EBF1: variants seen among roughly 807,000 people sequenced by gnomAD.
EBF1 encodes the protein EBF transcription factor 1.
A neutral mutation model predicts 68.4 loss-of-function variants in EBF1; 10 were observed. The observed-to-expected ratio is 0.15, with a 90% CI of 0.09 to 0.25. The LOEUF is 0.25. Among genes scored for constraint, EBF1 ranks in the 10% least tolerant of loss-of-function variants. The pLI, the probability that EBF1 is intolerant of heterozygous loss-of-function variation, is 1.00. For synonymous variants in EBF1, 298 were observed against 299.8 expected (o/e 0.99, Z 0.06); for missense variants, 509 against 794.4 (o/e 0.64, Z 4.32).
At chr5:158,803,609 G>A (rs951066371) in intron 8 of EBF1, among the ~76,000 whole-genome samples, 30 of 152,034 alleles carry the variant, frequency 2.0e-4, no homozygotes, top group African/African-American at 5.8e-4. Flanking sequence ...CCTGAACCAT[G>A]GTACCAGAGT....
At chr5:158,971,655 T>C (rs1755679151) in intron 6 of EBF1, among the ~76,000 whole-genome samples, 1 of 152,068 alleles carries the variant, frequency 6.6e-6, no homozygotes, top group South Asian at 2.1e-4. Flanking sequence ...GTCAAGGAGA[T>C]GACCAAAAGA....
intron 5 of EBF1, among the ~76,000 whole-genome samples, chr5:159,074,512 A>G (rs1371472386): frequency 6.6e-6 from 1 of 152,220 alleles, no homozygotes; most frequent in African/African-American, 2.4e-5. Flanking sequence ...ACAGAGAGAG[A>G]TACACACATA....
At chr5:158,846,108 C>G (rs1015891823) in intron 6 of EBF1, among the ~76,000 whole-genome samples, 4 of 152,178 alleles carry the variant, frequency 2.6e-5, no homozygotes, top group Non-Finnish European at 4.4e-5. Flanking sequence ...CTTATGCCTG[C>G]AGATGGTTAT....
intron 6 of EBF1, among the ~76,000 whole-genome samples, chr5:158,932,962 C>T (rs745722179): frequency 2.6e-5 from 4 of 152,192 alleles, no homozygotes; most frequent in Admixed American, 2.6e-4. Context: ...GATTTATTTA[C>T]TCACTTTACA....
chr5:158,788,018 T>TTGAC (rs945099355), intron 9 of EBF1, among the ~76,000 whole-genome samples: 4 of 144,006 alleles, frequency 2.8e-5, no homozygotes, highest in Admixed American at 2.3e-4. Context: ...GAGCATTTGT[T>TTGAC]TGACTGAATG....
chr5:158,879,322 C>T (rs1310866532), intron 6 of EBF1, among the ~76,000 whole-genome samples: 3 of 152,104 alleles, frequency 2.0e-5, no homozygotes, highest in South Asian at 2.1e-4. Flanking sequence ...CAAGCACATA[C>T]GCTCAAGGAA....
intron 15 of EBF1, among the ~76,000 whole-genome samples, chr5:158,701,673 C>T (rs1287500298): frequency 2.0e-5 from 3 of 152,242 alleles, no homozygotes; most frequent in Non-Finnish European, 4.4e-5. Context: ...AATGCCTGCT[C>T]ACAGCCACTG....
At chr5:158,962,454 A>G (rs1753206548) in intron 6 of EBF1, among the ~76,000 whole-genome samples, 1 of 152,146 alleles carries the variant, frequency 6.6e-6, no homozygotes, top group African/African-American at 2.4e-5. Flanking sequence ...GCTCAATATG[A>G]TCACAGTTGC....
At chr5:159,051,986 C>T (rs1268053381) in intron 6 of EBF1, among the ~76,000 whole-genome samples, 1 of 142,588 alleles carries the variant, frequency 7.0e-6, no homozygotes, top group Non-Finnish European at 1.5e-5. Flanking sequence ...TGCACACATA[C>T]GCACAGGCTC....
intron 6 of EBF1, among the ~76,000 whole-genome samples, chr5:158,866,554 A>C (rs1795892815): frequency 6.6e-6 from 1 of 151,966 alleles, no homozygotes; most frequent in South Asian, 2.1e-4. Flanking sequence ...AGTGTCCCGC[A>C]ATTCATTACC....
chr5:159,069,294 T>C (rs1051987360), intron 6 of EBF1, among the ~76,000 whole-genome samples: 5 of 151,778 alleles, frequency 3.3e-5, no homozygotes, highest in African/African-American at 1.2e-4. Flanking sequence ...TACTTAATGG[T>C]TCATTTCATC....
intron 6 of EBF1, among the ~76,000 whole-genome samples, chr5:159,016,737 T>C (rs1765692201): frequency 6.6e-6 from 1 of 152,150 alleles, no homozygotes; most frequent in African/African-American, 2.4e-5. Context: ...AAACCTGAGC[T>C]CAAAGCGTGA....
chr5:159,088,032 A>G (rs1431905583), intron 4 of EBF1, among the ~76,000 whole-genome samples: 2 of 152,184 alleles, frequency 1.3e-5, no homozygotes, highest in African/African-American at 4.8e-5. Context: ...TCCACCATGG[A>G]GTAGGACTAA....
chr5:159,059,781 C>T lies in EBF1; in HGVS notation c.554+13615G>A, dbSNP rs552816991. Among the ~76,000 whole-genome samples, 6 of 152,256 alleles carry T rather than the reference C, an allele frequency of 3.9e-5. No individual in the cohort carries two copies. The South Asian group carries it at 1.2e-3, about 32-fold the overall frequency. On this transcript the variant is annotated intron_variant, in intron 6 of 15. Coordinates refer to ENST00000313708, the MANE Select transcript of EBF1 (RefSeq NM_024007.5). Reference sequence around the variant, plus strand: ...AAGGGGGGACCAGGCTGATATGAAACTAAATTAGCATCAAATGCAAATTAC... The same window carrying T: ...AAGGGGGGACCAGGCTGATATGAAATTAAATTAGCATCAAATGCAAATTAC...
intron 6 of EBF1, among the ~76,000 whole-genome samples, chr5:158,952,298 G>C (rs140193320): frequency 6.6e-6 from 1 of 152,108 alleles, no homozygotes; most frequent in South Asian, 2.1e-4. Context: ...AAAGTCAAGG[G>C]ATTTACCACC....
intron 6 of EBF1, among the ~76,000 whole-genome samples, chr5:158,868,338 A>AC (rs1796296788): frequency 4.6e-5 from 7 of 152,288 alleles, no homozygotes; most frequent in Admixed American, 4.6e-4. Flanking sequence ...CCTAAAAAAA[A>AC]ATCACTCAAA....
rs534392487 is a variant in EBF1, at chr5:158,804,812, C to A, written c.779-8337G>T. 2.6e-5 allele frequency among the ~76,000 whole-genome samples: 4 copies of A among 152,200 alleles called. No individual in the cohort carries two copies. In the East Asian group the frequency reaches 7.7e-4, roughly 29 times the overall value. On this transcript the variant is annotated intron_variant, in intron 8 of 15. Transcript: ENST00000313708. The stretch of plus-strand genomic sequence containing the variant: ...ATATTAATCCTAGAGCAGCCAAAGG[C>A]AAATATTGTCATCAGTTCTTTGGGT...
chr5:159,089,216 G>A (rs1781210627), intron 4 of EBF1, among the ~76,000 whole-genome samples: 1 of 151,920 alleles, frequency 6.6e-6, no homozygotes, highest in Admixed American at 6.6e-5. Flanking sequence ...TTAACTAAAA[G>A]AAGAAGAAAA....
At chr5:158,847,843 G>A (rs149791934) in intron 6 of EBF1, among the ~76,000 whole-genome samples, 22 of 152,350 alleles carry the variant, frequency 1.4e-4, no homozygotes, top group Non-Finnish European at 2.5e-4. Context: ...TGGCCACAGA[G>A]TTCCTGCAGA....
Sources: gnomAD v4.1 joint callset for allele counts (sites outside exome capture counted in the v4.1 genomes callset) on GRCh38, gnomAD v4.1.1 for gene constraint, MANE v1.5 for transcripts, NCBI Gene and HGNC (gene_info 2026-07-23, HGNC 2026-07-21) for gene names.